TARDBP: variants seen among roughly 807,000 people sequenced by gnomAD.
TARDBP encodes the protein TAR DNA binding protein.
In TARDBP, 4 loss-of-function variants were observed where a neutral mutation model predicts 38.3. The observed-to-expected ratio is 0.10, with a 90% CI of 0.05 to 0.24. The LOEUF is 0.24. Ranked by LOEUF, TARDBP falls within the 10% of genes least tolerant of loss-of-function variation. The pLI, the probability that TARDBP is intolerant of heterozygous loss-of-function variation, is 1.00. For missense variants in TARDBP, 202 were observed against 521.9 expected (o/e 0.39, Z 5.97); for synonymous variants, 184 against 183.8 (o/e 1.00, Z -0.01).
At chr1:11,018,688 G>GT (rs1465859418) in intron 3 of TARDBP, 45 bp from the exon 4 acceptor site, 1 of 1,613,680 alleles carries the variant, frequency 6.2e-7, no homozygotes, top group South Asian at 1.1e-5. Flanking sequence ...AATGGAGTGT[G>GT]TGAGTATGTG....
chr1:11,017,794 T>C (rs1643557395), intron 3 of TARDBP, among the ~76,000 whole-genome samples: 1 of 152,116 alleles, frequency 6.6e-6, no homozygotes, highest in African/African-American at 2.4e-5. Flanking sequence ...ATGCCTGTAA[T>C]CCCAGCATTT....
chr1:11,013,094 C>T (rs536362074), intron 1 of TARDBP, among the ~76,000 whole-genome samples: 10 of 152,360 alleles, frequency 6.6e-5, no homozygotes, highest in African/African-American at 1.9e-4. Context: ...GAAACTCCTC[C>T]CTCGGCTGGC....
downstream of TARDBP, among the ~76,000 whole-genome samples, chr1:11,028,702 TTTTC>T (rs369414641): frequency 0.7 from 76,547 of 109,304 alleles, 24,678 homozygotes; most frequent in Non-Finnish European, 0.75. Context: ...TCTGGGTTTT[TTTTC>T]TTTTTTTTTT....
rs757698149 is a variant in TARDBP at position 11,018,880 on chromosome 1, G to A, written c.543+7G>A. 15 of 1,614,048 alleles carry A rather than the reference G, an allele frequency of 9.3e-6. No individual in the cohort carries two copies. In the South Asian group the frequency reaches 1.5e-4, roughly 17 times the overall value. The stretch of plus-strand genomic sequence containing the variant: ...CAAACTTCCTAATTCTAAGGTACTT[G>A]CGTCTGTGCTTTGGGAATTTTTGCC... On this transcript the variant is annotated splice_region_variant and intron_variant, in intron 4 of 5. Transcript: ENST00000240185.
rs1032923568 is a variant in TARDBP at position 11,024,803 on chromosome 1, C to G, written c.*2149C>G. 1 of 152,660 alleles carries G rather than the reference C, an allele frequency of 6.6e-6. No homozygotes were observed. Among genetic ancestry groups the G allele is most frequent in the Non-Finnish European group, 1.5e-5 (1 of 68,050 alleles). The allele number at this position is 152,660 out of a possible 1,614,324, so 9.5% of individuals were successfully genotyped here. ...ATGTAAAAGCAATAACATTGATTCT[C>G]TGTTGTACTTTTTTGTAACTAATTC... On this transcript the variant is annotated 3_prime_UTR_variant, in exon 6 of 6. Coordinates refer to ENST00000240185, the MANE Select transcript of TARDBP (RefSeq NM_007375.4).
intron 4 of TARDBP, chr1:11,019,240 C>T: frequency 6.2e-6 from 2 of 321,794 alleles, no homozygotes; most frequent in Admixed American, 4.7e-5. Flanking sequence ...AAACAAATAA[C>T]ATTGGCTTAT....
chr1:11,016,580 C>A (rs1643529674), intron 2 of TARDBP, among the ~76,000 whole-genome samples: 1 of 152,060 alleles, frequency 6.6e-6, no homozygotes, highest in Non-Finnish European at 1.5e-5. Flanking sequence ...TTTGATAAAC[C>A]TTTTGAGAGG....
At chr1:11,021,466 C>T (rs1035426746) in intron 5 of TARDBP, among the ~76,000 whole-genome samples, 3 of 151,570 alleles carry the variant, frequency 2.0e-5, no homozygotes, top group South Asian at 2.1e-4. Flanking sequence ...TAGTAGATAA[C>T]GGGGTTTCAC....
downstream of TARDBP, chr1:11,026,786 A>G (rs1570731082): frequency 5.9e-6 from 6 of 1,022,084 alleles, no homozygotes; most frequent in East Asian, 5.7e-5. Flanking sequence ...AACAACTGCC[A>G]TGTCCACAGT....
rs1013620049 is a variant in TARDBP at position 11,022,990 on chromosome 1, T to C, written c.*336T>C. 27 of 1,399,034 alleles carry C rather than the reference T, an allele frequency of 1.9e-5. No individual in the cohort carries two copies. The highest frequency in any genetic ancestry group is 2.4e-5 in the Non-Finnish European group (26 of 1,074,700). The allele number at this position is 1,399,034 out of a possible 1,614,324, so 86.7% of individuals were successfully genotyped here. A position where few individuals can be genotyped will look rare whatever the true frequency, so the allele number is the denominator to read the frequency against. On this transcript the variant is annotated 3_prime_UTR_variant, in exon 6 of 6. Transcript: ENST00000240185. This position sits in a 1 kb window ranked among gnomAD's most constrained non-coding sequence, Gnocchi z 4.5. ...CTTGTCAAGTGAATTCTTTGCATGTTCAAAACGGAAACCATTGATTAGAAC... is the reference window on the plus strand; with the variant it reads ...CTTGTCAAGTGAATTCTTTGCATGTCCAAAACGGAAACCATTGATTAGAAC...
chr1:11,017,578 T>C (rs1218167537), intron 3 of TARDBP, among the ~76,000 whole-genome samples: 1 of 152,226 alleles, frequency 6.6e-6, no homozygotes, highest in Non-Finnish European at 1.5e-5. Flanking sequence ...TTTATACATA[T>C]ATGTTGTACC....
chr1:11,020,368 A>G, intron 4 of TARDBP, 61 bp from the exon 5 acceptor site: 1 of 1,600,252 alleles, frequency 6.2e-7, no homozygotes, highest in South Asian at 1.1e-5. Flanking sequence ...CCTTACCTTA[A>G]TGTTTTTTTC....
At chr1:11,018,653 G>T in intron 3 of TARDBP, 80 bp from the exon 4 acceptor site, 2 of 1,602,116 alleles carry the variant, frequency 1.2e-6, no homozygotes, top group Non-Finnish European at 1.7e-6. Flanking sequence ...CATTCAAATT[G>T]TTTTCTAAGG....
At chr1:11,020,385 C>G (rs1242817227) in intron 4 of TARDBP, 44 bp from the exon 5 acceptor site, 1 of 1,609,902 alleles carries the variant, frequency 6.2e-7, no homozygotes, top group Admixed American at 1.7e-5. Flanking sequence ...TTTCATTGTT[C>G]ATAACATATT....
chr1:11,016,602 A>T (rs751704102), intron 2 of TARDBP, among the ~76,000 whole-genome samples: 3 of 152,240 alleles, frequency 2.0e-5, no homozygotes, highest in Non-Finnish European at 4.4e-5. Flanking sequence ...AGAGATTGTA[A>T]TCCGGAAATG....
chr1:11,018,434 C>G, intron 3 of TARDBP: 1 of 411,792 alleles, frequency 2.4e-6, no homozygotes, highest in South Asian at 2.2e-5. Flanking sequence ...AGCGATCCAC[C>G]CTCCTCAGCA....
downstream of TARDBP, chr1:11,026,150 T>A (rs182392222): frequency 1.3e-5 from 2 of 153,882 alleles, no homozygotes; most frequent in African/African-American, 4.8e-5. Context: ...TAAAATAAAT[T>A]CTTAGCATTG....
At chr1:11,027,407 C>G (rs532259057), downstream of TARDBP, 22 of 1,614,082 alleles carry the variant, frequency 1.4e-5, no homozygotes, top group Non-Finnish European at 1.9e-5. Flanking sequence ...CAGCTTCAGA[C>G]CAGGCTTGTG....
intron 4 of TARDBP, among the ~76,000 whole-genome samples, chr1:11,019,866 CTT>C (rs1288372949): frequency 1.1e-4 from 14 of 131,214 alleles, no homozygotes; most frequent in Non-Finnish European, 1.2e-4. Context: ...GCACCTGGCC[CTT>C]TTTTTTTTTT....
Sources: allele counts gnomAD v4.1 joint callset (sites outside exome capture counted in the v4.1 genomes callset), GRCh38; gene constraint gnomAD v4.1.1; non-coding constraint Gnocchi (gnomAD v3.1); transcripts MANE v1.5; gene names NCBI Gene and HGNC (gene_info 2026-07-23, HGNC 2026-07-21).